The following CHRDL1 variants were observed in gnomAD, a reference collection of about 807,000 sequenced individuals.
The protein encoded by CHRDL1 is chordin like 1, also known as chordin-like protein 1.
Under a neutral mutation model 40.9 loss-of-function variants are expected in CHRDL1, and 19 were observed. The ratio of observed to expected loss-of-function variants is 0.46; its 90% CI spans 0.32 to 0.68. The LOEUF (loss-of-function observed/expected upper bound fraction) is 0.68. Among genes scored for constraint, CHRDL1 ranks in the 30% least tolerant of loss-of-function variants. CHRDL1 has a pLI of 0.03. For synonymous variants in CHRDL1, 136 were observed against 123.4 expected (o/e 1.10, Z -0.68); for missense variants, 329 against 352.1 (o/e 0.93, Z 0.53).
At chrX:110,709,903 G>A (rs2070717285) in intron 6 of CHRDL1, among the ~76,000 whole-genome samples, 1 of 111,492 alleles carries the variant, frequency 9.0e-6, no homozygotes, top group South Asian at 3.8e-4. Context: ...TTGGGAGGCT[G>A]AGGCGGGAGG....
chrX:110,710,226 T>C (rs768059889), intron 6 of CHRDL1, among the ~76,000 whole-genome samples: 1 of 111,757 alleles, frequency 8.9e-6, no homozygotes, highest in East Asian at 2.8e-4. Context: ...TTTCTATAAA[T>C]TGTTGGAGTC....
intron 5 of CHRDL1, among the ~76,000 whole-genome samples, 200 bp from the exon 6 acceptor site, chrX:110,720,128 C>A (rs1331774230): frequency 9.0e-6 from 1 of 110,864 alleles, no homozygotes; most frequent in Non-Finnish European, 1.9e-5. Flanking sequence ...AGAGACTAAG[C>A]CACAGAAAAG....
intron 9 of CHRDL1, among the ~76,000 whole-genome samples, chrX:110,684,453 C>T (rs776901397): frequency 2.7e-5 from 3 of 111,874 alleles, no homozygotes; most frequent in South Asian, 3.8e-4. Flanking sequence ...CACCCCTTCA[C>T]GTCATTCAGG....
At chrX:110,685,335 C>T (rs1220094431) in intron 9 of CHRDL1, among the ~76,000 whole-genome samples, 1 of 111,698 alleles carries the variant, frequency 9.0e-6, no homozygotes, top group Non-Finnish European at 1.9e-5. Context: ...TGGCTCACTG[C>T]AACCTCCACC....
At chrX:110,780,878 G>A (rs1176682938) in intron 2 of CHRDL1, among the ~76,000 whole-genome samples, 3 of 110,684 alleles carry the variant, frequency 2.7e-5, no homozygotes, top group Admixed American at 9.6e-5. Context: ...TACTATCATC[G>A]TCAACATTGT....
intron 4 of CHRDL1, among the ~76,000 whole-genome samples, chrX:110,751,430 A>G (rs758898923): frequency 4.5e-5 from 5 of 112,255 alleles, no homozygotes; most frequent in African/African-American, 1.3e-4. Context: ...AATTTAGACA[A>G]TGTTACATCC....
chrX:110,713,219 CA>C (rs1350671670), intron 6 of CHRDL1, among the ~76,000 whole-genome samples: 1 of 111,528 alleles, frequency 9.0e-6, no homozygotes, highest in East Asian at 2.8e-4. Flanking sequence ...GGCACAGTTG[CA>C]ATTTTATAAT....
At chrX:110,684,923 T>C (rs1447093785) in intron 9 of CHRDL1, among the ~76,000 whole-genome samples, 1 of 112,057 alleles carries the variant, frequency 8.9e-6, no homozygotes, top group African/African-American at 3.2e-5. Context: ...TCTTCTTCCA[T>C]GTTGCTCAAT....
At chrX:110,732,500 C>G (rs761311305) in intron 4 of CHRDL1, among the ~76,000 whole-genome samples, 4 of 112,177 alleles carry the variant, frequency 3.6e-5, no homozygotes, top group African/African-American at 1.3e-4. Flanking sequence ...TCTGCTGCTC[C>G]AGCTGGCGAG....
At chrX:110,753,884 C>T (rs2089405301) in intron 4 of CHRDL1, among the ~76,000 whole-genome samples, 1 of 112,256 alleles carries the variant, frequency 8.9e-6, no homozygotes, top group Admixed American at 9.4e-5. Flanking sequence ...ACAGTCTGTG[C>T]TATAGTGTGG....
In CHRDL1 at chrX:110,795,775, T is replaced by C. The variant is rs896258446; in HGVS notation, c.-66A>G. On this transcript the variant is annotated 5_prime_UTR_variant, in exon 1 of 12. Transcript: ENST00000372042. ...ACTGGCCTTCTCCGTCTGCCACGCG[T>C]GCACGCGCTCCGAGCTCCCCGGGGC... The C allele has an allele frequency of 6.2e-5, 7 of 112,727 alleles. No homozygotes were observed. The highest frequency in any genetic ancestry group is 1.9e-4 in the African/African-American group (6 of 30,879). The allele number at this position is 112,727 out of a possible 1,213,427, so 9.3% of individuals were successfully genotyped here.
chrX:110,761,230 T>C (rs758274665), intron 3 of CHRDL1, among the ~76,000 whole-genome samples: 7 of 111,927 alleles, frequency 6.3e-5, no homozygotes, highest in Non-Finnish European at 9.4e-5. Context: ...CAGTGGCTCA[T>C]AAGTGGCAGA....
At chrX:110,724,681 T>C (rs1479002027) in intron 4 of CHRDL1, among the ~76,000 whole-genome samples, 2 of 110,521 alleles carry the variant, frequency 1.8e-5, no homozygotes, top group African/African-American at 6.6e-5. Context: ...CTTCACAGAA[T>C]GGGTGTTAAA....
chrX:110,705,324 T>C (rs926786780), intron 6 of CHRDL1, among the ~76,000 whole-genome samples: 1 of 42,350 alleles, frequency 2.4e-5, no homozygotes, highest in African/African-American at 1.1e-4. Context: ...CATATATATA[T>C]ACACACATAT....
chrX:110,739,492 C>T (rs1409553062), intron 4 of CHRDL1, among the ~76,000 whole-genome samples: 1 of 111,540 alleles, frequency 9.0e-6, no homozygotes, highest in Non-Finnish European at 1.9e-5. Context: ...AACTAAGGAC[C>T]ACATACCAGA....
chrX:110,722,493 C>G (rs2070980535), intron 4 of CHRDL1, among the ~76,000 whole-genome samples: 1 of 111,222 alleles, frequency 9.0e-6, no homozygotes, highest in Non-Finnish European at 1.9e-5. Context: ...CAGCCACAAT[C>G]TGGATCTCTC....
intron 4 of CHRDL1, among the ~76,000 whole-genome samples, chrX:110,735,218 T>C (rs1178231021): frequency 8.9e-6 from 1 of 111,879 alleles, no homozygotes; most frequent in Non-Finnish European, 1.9e-5. Context: ...AGATGCTCTG[T>C]GAAAACAAAA....
intron 2 of CHRDL1, among the ~76,000 whole-genome samples, chrX:110,784,912 C>T (rs986666712): frequency 3.6e-5 from 4 of 111,369 alleles, no homozygotes; most frequent in African/African-American, 1.3e-4. Context: ...TACTATGAGG[C>T]CATGAGGAGA....
rs1343205262 is a variant in CHRDL1, at chrX:110,738,801, T to A, written c.302-17271A>T. ...TTATTCTATGTATTCTATGTGAGTG[T>A]GTTAAAGGACTCTGAATGCCCTGGT... On this transcript the variant is annotated intron_variant, in intron 4 of 11. Coordinates refer to ENST00000372042, the MANE Select transcript of CHRDL1 (RefSeq NM_001143981.2). 2.7e-5 allele frequency among the ~76,000 whole-genome samples: 3 copies of A among 110,900 alleles called. No homozygotes were observed. In the Admixed American group the frequency reaches 2.9e-4, roughly 11 times the overall value.
Sources: gnomAD v4.1 joint callset for allele counts (sites outside exome capture counted in the v4.1 genomes callset) on GRCh38, gnomAD v4.1.1 for gene constraint, MANE v1.5 for transcripts, NCBI Gene and HGNC (gene_info 2026-07-23, HGNC 2026-07-21) for gene names.